KANSL1: variants seen among roughly 807,000 people sequenced by gnomAD.
The protein encoded by KANSL1 is KAT8 regulatory NSL complex subunit 1, also known as MLL1/MLL complex subunit KANSL1.
KANSL1 carries 22 observed loss-of-function variants against 103.6 expected under a neutral mutation model. That is an observed-to-expected ratio of 0.21 (90% CI 0.15 to 0.30). The LOEUF (loss-of-function observed/expected upper bound fraction) is 0.30. KANSL1 is among the 10% of genes least tolerant of loss of function. KANSL1 has a pLI of 1.00. For missense variants in KANSL1, 1,337 were observed against 1,399.8 expected, an observed-to-expected ratio of 0.96 and a Z score of 0.72; for synonymous variants, 600 against 527.6, an observed-to-expected ratio of 1.14 and a Z score of -1.88.
rs1041841138 is a variant in KANSL1 at position 46,032,411 on chromosome 17, G to A, written c.2838-112C>T. On this transcript the variant is annotated intron_variant, in intron 13 of 14. Transcript: ENST00000432791. ...GAGTTGAGGCAAACAAACACCAACA[G>A]ATTTTCCTTAGGATCCAGCAACTCC... The A allele has an allele frequency of 7.9e-6, 7 of 891,666 alleles. No homozygotes were observed. The African/African-American group carries it at 1.2e-4, about 15-fold the overall frequency. 55.2% of individuals were successfully genotyped at this position (891,666 alleles called of 1,614,324 possible).
chr17:46,054,571 A>G (rs1186867071), intron 6 of KANSL1, among the ~76,000 whole-genome samples: 1 of 152,212 alleles, frequency 6.6e-6, no homozygotes. Flanking sequence ...ATAATCTTCC[A>G]AATGACTTCT....
At chr17:46,071,423 G>C (rs949195307) in intron 4 of KANSL1, among the ~76,000 whole-genome samples, 2 of 152,134 alleles carry the variant, frequency 1.3e-5, no homozygotes, top group Non-Finnish European at 2.9e-5. Flanking sequence ...AATGCAAAGA[G>C]CTTAAAATAT....
At chr17:46,057,604 T>A (rs2077979786) in intron 6 of KANSL1, among the ~76,000 whole-genome samples, 1 of 152,118 alleles carries the variant, frequency 6.6e-6, no homozygotes, top group Non-Finnish European at 1.5e-5. Context: ...GGCGGCCACC[T>A]TGTGTTTTCT....
intron 2 of KANSL1, among the ~76,000 whole-genome samples, chr17:46,154,729 C>CTGGG (rs1166327153): frequency 1.3e-5 from 2 of 152,156 alleles, no homozygotes; most frequent in Admixed American, 6.5e-5. Context: ...TTTCTTAGAG[C>CTGGG]TGGGACAAAG....
rs1357665856 is a variant in KANSL1 at position 46,058,741 on chromosome 17, ACACTCTCTCT to A, written c.1848+7786_1848+7795del. 8.4e-3 allele frequency among the ~76,000 whole-genome samples: 615 copies of A among 73,470 alleles called. 3 individuals carry two copies. The highest frequency in any genetic ancestry group is 0.029 in the African/African-American group (507 of 17,262). 48.2% of individuals were successfully genotyped at this position (73,470 alleles called of 152,430 possible). ...CACACACACACACACACACACACAC[ACACTCTCTCT>A]CTCTCTCTCTCTCTCTCTCTCTCTC... is the stretch of plus-strand genomic sequence containing the variant. On this transcript the variant is annotated intron_variant, in intron 6 of 14. Transcript: ENST00000432791.
upstream of KANSL1, among the ~76,000 whole-genome samples, chr17:46,197,814 A>G (rs2047663858): frequency 1.3e-5 from 2 of 152,190 alleles, no homozygotes; most frequent in African/African-American, 4.8e-5. Context: ...TAACTCATCT[A>G]TAGATAATAA....
At chr17:46,217,106 G>A (rs1173154593) in intron 1 of KANSL1, among the ~76,000 whole-genome samples, 2 of 81,720 alleles carry the variant, frequency 2.4e-5, no homozygotes, top group Non-Finnish European at 4.2e-5. Flanking sequence ...GGGAGACCCT[G>A]TCTCAAAAAA....
intron 2 of KANSL1, among the ~76,000 whole-genome samples, chr17:46,148,868 G>A (rs2044891347): frequency 7.1e-6 from 1 of 141,356 alleles, no homozygotes; most frequent in Non-Finnish European, 1.5e-5. Flanking sequence ...TTACAAGCAT[G>A]AACCACCGTA....
intron 2 of KANSL1, among the ~76,000 whole-genome samples, chr17:46,099,521 C>G (rs1228853909): frequency 1.3e-5 from 2 of 152,136 alleles, no homozygotes. Flanking sequence ...CAGGAAAGAA[C>G]ACAGGACTAA....
In KANSL1 at chr17:46,033,897, T is replaced by C. The variant is rs552712933; in HGVS notation, c.2666+264A>G. On this transcript the variant is annotated intron_variant, in intron 11 of 14. Coordinates refer to ENST00000432791, the MANE Select transcript of KANSL1 (RefSeq NM_015443.4). ...ACAACAAATTCAGTATTTTAAAACA[T>C]ACTGTATGTGTTGACAAAACCGGTC... 4.6e-5 allele frequency among the ~76,000 whole-genome samples: 7 copies of C among 152,354 alleles called. No individual in the cohort carries two copies. In the East Asian group the frequency reaches 1.2e-3, roughly 25 times the overall value.
chr17:46,189,390 T>C (rs1049195900), intron 1 of KANSL1, among the ~76,000 whole-genome samples: 1 of 152,110 alleles, frequency 6.6e-6, no homozygotes, highest in Non-Finnish European at 1.5e-5. Flanking sequence ...ACAATAAAAC[T>C]ATATACATCT....
At chr17:46,105,934 CA>C (rs2042533751) in intron 2 of KANSL1, among the ~76,000 whole-genome samples, 7 of 82,428 alleles carry the variant, frequency 8.5e-5, no homozygotes, top group African/African-American at 2.2e-4. Context: ...CACACACACA[CA>C]CACACACACA....
chr17:46,048,784 A>G (rs1338573899), intron 7 of KANSL1, among the ~76,000 whole-genome samples: 1 of 152,254 alleles, frequency 6.6e-6, no homozygotes, highest in Admixed American at 6.5e-5. Context: ...ATAATTTCAG[A>G]TAGTTGTAAA....
At chr17:46,118,789 T>C (rs947560053) in intron 2 of KANSL1, among the ~76,000 whole-genome samples, 6 of 152,206 alleles carry the variant, frequency 3.9e-5, no homozygotes, top group Non-Finnish European at 7.3e-5. Context: ...CAACCAATAG[T>C]CAGTGCACTG....
intron 1 of KANSL1, among the ~76,000 whole-genome samples, chr17:46,199,474 C>T (rs762170368): frequency 4.6e-4 from 70 of 152,286 alleles, no homozygotes; most frequent in Non-Finnish European, 8.1e-4. Flanking sequence ...AAATATCATA[C>T]AGTATTTTTA....
chr17:46,212,349 T>G (rs1695977995), intron 1 of KANSL1, among the ~76,000 whole-genome samples: 1 of 152,062 alleles, frequency 6.6e-6, no homozygotes. Context: ...GCCTCCTGAG[T>G]AGCTGGGATT....
chr17:46,095,183 C>T (rs2042008753), intron 2 of KANSL1, among the ~76,000 whole-genome samples: 1 of 152,124 alleles, frequency 6.6e-6, no homozygotes, highest in Non-Finnish European at 1.5e-5. Context: ...AATATCTTTA[C>T]AGAGAAAATA....
intron 2 of KANSL1, among the ~76,000 whole-genome samples, chr17:46,109,914 T>C (rs909728388): frequency 1.3e-5 from 2 of 152,240 alleles, no homozygotes; most frequent in African/African-American, 4.8e-5. Flanking sequence ...CATTTTGTTC[T>C]GAATCAAATT....
chr17:46,094,760 G>C (rs1469648951), intron 2 of KANSL1, 59 bp from the exon 3 acceptor site: 26 of 1,598,810 alleles, frequency 1.6e-5, no homozygotes, highest in Middle Eastern at 1.7e-4. Context: ...TACCAGATTG[G>C]GGGGTGGGGA....
Sources: gnomAD v4.1 joint callset for allele counts (sites outside exome capture counted in the v4.1 genomes callset) on GRCh38, gnomAD v4.1.1 for gene constraint, MANE v1.5 for transcripts, NCBI Gene and HGNC (gene_info 2026-07-23, HGNC 2026-07-21) for gene names.